Variants in CCDC167 observed in about 807,000 individuals in gnomAD.
CCDC167 encodes coiled-coil domain-containing protein 167.
In CCDC167, 15 loss-of-function variants were observed where a neutral mutation model predicts 12.7. The observed-to-expected ratio is 1.18, with a 90% CI of 0.79 to 1.81. The LOEUF (loss-of-function observed/expected upper bound fraction) is 1.81. CCDC167 is among the 40% of genes most tolerant of loss of function. The pLI is 0.00. For missense variants in CCDC167, 121 were observed against 120.1 expected (o/e 1.01, Z -0.03); for synonymous variants, 52 against 49.0 (o/e 1.06, Z -0.26).
intron 1 of CCDC167, among the ~76,000 whole-genome samples, chr6:37,489,981 C>CCCA (rs1374789223): frequency 1.3e-5 from 2 of 152,216 alleles, no homozygotes; most frequent in Non-Finnish European, 2.9e-5. Context: ...TTAAGAACCA[C>CCCA]CCGTGCATTA....
chr6:37,486,680 G>A (rs1761946795), intron 1 of CCDC167, among the ~76,000 whole-genome samples: 1 of 152,190 alleles, frequency 6.6e-6, no homozygotes, highest in South Asian at 2.1e-4. Flanking sequence ...TCGTTTCTCT[G>A]CTACTGGGCA....
chr6:37,485,039 G>A (rs1761924393), intron 2 of CCDC167, 61 bp downstream of exon 2: 1 of 1,474,870 alleles, frequency 6.8e-7, no homozygotes, highest in African/African-American at 1.4e-5. Flanking sequence ...GGGGACCCAG[G>A]ATAGATACAG....
chr6:37,497,755 C>T (rs943291640), intron 1 of CCDC167, among the ~76,000 whole-genome samples: 6 of 151,790 alleles, frequency 4.0e-5, no homozygotes, highest in Middle Eastern at 3.2e-3. Context: ...GAGGCTGTGT[C>T]GGGGGAAGGT....
At chr6:37,485,922 T>C (rs1761936949) in intron 1 of CCDC167, among the ~76,000 whole-genome samples, 1 of 152,188 alleles carries the variant, frequency 6.6e-6, no homozygotes, top group South Asian at 2.1e-4. Flanking sequence ...AGAGAAGTGT[T>C]CTTGGGGAAA....
intron 1 of CCDC167, among the ~76,000 whole-genome samples, chr6:37,492,974 T>G (rs1762043019): frequency 6.6e-6 from 1 of 152,118 alleles, no homozygotes; most frequent in Non-Finnish European, 1.5e-5. Context: ...CAGAGCTCTG[T>G]GGGGGCAGAA....
chr6:37,488,910 G>T (rs1163451114), intron 1 of CCDC167, among the ~76,000 whole-genome samples: 1 of 152,210 alleles, frequency 6.6e-6, no homozygotes, highest in African/African-American at 2.4e-5. Flanking sequence ...AGAAAACCTG[G>T]TTAGTCCATG....
intron 1 of CCDC167, among the ~76,000 whole-genome samples, chr6:37,490,146 C>A (rs1761998910): frequency 6.6e-6 from 1 of 152,244 alleles, no homozygotes; most frequent in Non-Finnish European, 1.5e-5. Flanking sequence ...AACCCACTGT[C>A]AGCCAGCACA....
At chr6:37,497,165 A>T (rs1762106416) in intron 1 of CCDC167, among the ~76,000 whole-genome samples, 1 of 152,152 alleles carries the variant, frequency 6.6e-6, no homozygotes, top group Non-Finnish European at 1.5e-5. Flanking sequence ...TTATTTACAT[A>T]TTCCTTCATT....
At chr6:37,485,221 G>A in intron 1 of CCDC167, 27 bp from the exon 2 acceptor site, 2 of 1,555,410 alleles carry the variant, frequency 1.3e-6, no homozygotes, top group Non-Finnish European at 1.8e-6. Flanking sequence ...AGAGAGGTGG[G>A]CTGCCGAGGC....
intron 2 of CCDC167, 46 bp from the exon 3 acceptor site, chr6:37,484,908 C>G: frequency 6.2e-7 from 1 of 1,612,172 alleles, no homozygotes; most frequent in Non-Finnish European, 8.5e-7. Flanking sequence ...TTTCCTTTTC[C>G]CCACCCGAGG....
intron 1 of CCDC167, among the ~76,000 whole-genome samples, chr6:37,496,807 C>G (rs375480021): frequency 1.4e-4 from 22 of 152,248 alleles, no homozygotes; most frequent in African/African-American, 5.1e-4. Flanking sequence ...CAAACAGTAG[C>G]TGGCTATGTG....
At chr6:37,490,195 G>A (rs1561798738) in intron 1 of CCDC167, among the ~76,000 whole-genome samples, 6 of 152,222 alleles carry the variant, frequency 3.9e-5, no homozygotes. Flanking sequence ...GCCCTGGGGA[G>A]GCGCTGTGTG....
At chr6:37,492,920 A>C (rs1333155064) in intron 1 of CCDC167, among the ~76,000 whole-genome samples, 1 of 152,158 alleles carries the variant, frequency 6.6e-6, no homozygotes, top group Non-Finnish European at 1.5e-5. Context: ...GGGGCCCATT[A>C]TCCCCACATC....
At chr6:37,499,206 T>C (rs1762135071) in intron 1 of CCDC167, among the ~76,000 whole-genome samples, 1 of 152,234 alleles carries the variant, frequency 6.6e-6, no homozygotes, top group Admixed American at 6.5e-5. Context: ...AAGTAGCACA[T>C]AGCGGTTGCT....
chr6:37,491,920 G>A (rs976861672), intron 1 of CCDC167, among the ~76,000 whole-genome samples: 3 of 152,168 alleles, frequency 2.0e-5, no homozygotes, highest in African/African-American at 7.2e-5. Flanking sequence ...GGGCAGCCAC[G>A]TCTGTGCCCT....
At chr6:37,491,475 C>T (rs1561799129) in intron 1 of CCDC167, among the ~76,000 whole-genome samples, 1 of 152,238 alleles carries the variant, frequency 6.6e-6, no homozygotes, top group Non-Finnish European at 1.5e-5. Context: ...TCCGGCTTTA[C>T]TCTTGGGAGC....
chr6:37,488,073 A>G (rs751279091), intron 1 of CCDC167, among the ~76,000 whole-genome samples: 14 of 152,206 alleles, frequency 9.2e-5, no homozygotes, highest in Non-Finnish European at 1.8e-4. Context: ...CCACAAACCC[A>G]TCCTCAGAAG....
chr6:37,491,660 G>A (rs1316401444), intron 1 of CCDC167, among the ~76,000 whole-genome samples: 1 of 152,208 alleles, frequency 6.6e-6, no homozygotes, highest in African/African-American at 2.4e-5. Context: ...ATGACAGCAT[G>A]AGTGTAAGCA....
At chr6:37,497,339 T>A (rs1341659929) in intron 1 of CCDC167, among the ~76,000 whole-genome samples, 1 of 152,256 alleles carries the variant, frequency 6.6e-6, no homozygotes, top group East Asian at 1.9e-4. Flanking sequence ...TGTGTGATTC[T>A]GTTTAAAGTG....
Sources: allele counts gnomAD v4.1 joint callset (sites outside exome capture counted in the v4.1 genomes callset), GRCh38; gene constraint gnomAD v4.1.1; transcripts MANE v1.5; gene names NCBI Gene and HGNC (gene_info 2026-07-23, HGNC 2026-07-21).